The following EBF2 variants were observed in gnomAD, a reference collection of about 807,000 sequenced individuals.
EBF2 encodes EBF transcription factor 2.
A neutral mutation model predicts 72.8 loss-of-function variants in EBF2; 21 were observed. That is an observed-to-expected ratio of 0.29 (90% confidence interval 0.20 to 0.42). The LOEUF (loss-of-function observed/expected upper bound fraction) is 0.42, where lower values mean the gene tolerates loss of function less well. Among genes scored for constraint, EBF2 ranks in the 10% least tolerant of loss-of-function variants. The pLI, the probability that EBF2 is intolerant of heterozygous loss-of-function variation, is 1.00. For synonymous variants in EBF2, 299 were observed against 274.2 expected (o/e 1.09, Z -0.89); for missense variants, 637 against 731.2 (o/e 0.87, Z 1.49).
At chr8:26,005,285 A>G (rs1173332061) in intron 6 of EBF2, among the ~76,000 whole-genome samples, 4 of 730 alleles carry the variant, frequency 5.5e-3, no homozygotes, top group Non-Finnish European at 7.8e-3. Context: ...ATAATTATAT[A>G]ATTATATAAT....
intron 10 of EBF2, among the ~76,000 whole-genome samples, chr8:25,870,356 A>G (rs1406969412): frequency 2.0e-5 from 3 of 152,104 alleles, no homozygotes; most frequent in African/African-American, 7.2e-5. Context: ...CTAAATACAA[A>G]CTAAACAGAT....
Position 25,842,197 on chromosome 8 carries a change from C to T in EBF2, c.*2412G>A, listed in dbSNP as rs533767574. On this transcript the variant is annotated 3_prime_UTR_variant, in exon 16 of 16. Coordinates refer to ENST00000520164, the MANE Select transcript of EBF2 (RefSeq NM_022659.4). ...ACTTGGGACTGGAATGATTGAATAG[C>T]AATGACTAACGAGGACAGGGTAGCT... The T allele has an allele frequency of 6.6e-6, 1 of 152,288 alleles. No homozygotes were observed. Among genetic ancestry groups the T allele is most frequent in the South Asian group, 2.1e-4 (1 of 4,822 alleles). 9.4% of individuals were successfully genotyped at this position (152,288 alleles called of 1,614,324 possible). A position where few individuals can be genotyped will look rare whatever the true frequency, so the allele number is the denominator to read the frequency against.
chr8:25,917,951 G>A (rs1057454149), intron 6 of EBF2, among the ~76,000 whole-genome samples: 3 of 152,110 alleles, frequency 2.0e-5, no homozygotes, highest in Admixed American at 6.5e-5. Flanking sequence ...ACTTTCCCAC[G>A]ACTCCAGGAA....
At chr8:25,945,042 C>T (rs1192816029) in intron 6 of EBF2, among the ~76,000 whole-genome samples, 1 of 151,854 alleles carries the variant, frequency 6.6e-6, no homozygotes, top group African/African-American at 2.4e-5. Context: ...GATGCCTGCT[C>T]TTATTCCATG....
chr8:25,988,858 T>C (rs1406494811), intron 6 of EBF2, among the ~76,000 whole-genome samples: 1 of 152,362 alleles, frequency 6.6e-6, no homozygotes, highest in East Asian at 1.9e-4. Flanking sequence ...CAAGAACTTC[T>C]ACTCAGTTCT....
intron 6 of EBF2, among the ~76,000 whole-genome samples, chr8:25,971,005 T>C (rs1804181382): frequency 6.6e-6 from 1 of 152,064 alleles, no homozygotes. Context: ...GCTAATATTT[T>C]TTATGTTTTC....
intron 15 of EBF2, among the ~76,000 whole-genome samples, chr8:25,849,117 T>C (rs1801905270): frequency 6.6e-6 from 1 of 152,208 alleles, no homozygotes; most frequent in Admixed American, 6.5e-5. Flanking sequence ...TGCCAAAAAA[T>C]CCATGAAGTT....
intron 6 of EBF2, among the ~76,000 whole-genome samples, chr8:25,985,103 C>CCA (rs550637020): frequency 8.9e-4 from 136 of 152,242 alleles, no homozygotes; most frequent in African/African-American, 3.1e-3. Context: ...TGGGCTGCAA[C>CCA]CAGGAAGAAC....
At chr8:26,019,235 T>C (rs1009186615) in intron 6 of EBF2, among the ~76,000 whole-genome samples, 2 of 151,942 alleles carry the variant, frequency 1.3e-5, no homozygotes, top group Non-Finnish European at 2.9e-5. Context: ...TTCCACAGCT[T>C]TAAGGGCCAG....
chr8:26,006,567 C>G lies in EBF2; in HGVS notation c.551+26518G>C, dbSNP rs924927338. ...CCTTATGACTCTATATTTAAATAAA[C>G]AACCTTCTATATTCTTCCTGATGAG... On this transcript the variant is annotated intron_variant, in intron 6 of 15. Coordinates refer to ENST00000520164, the MANE Select transcript of EBF2 (RefSeq NM_022659.4). 2.6e-5 allele frequency among the ~76,000 whole-genome samples: 4 copies of G among 152,248 alleles called. No individual in the cohort carries two copies. The South Asian group carries it at 8.3e-4, about 32-fold the overall frequency.
At position 25,842,515 on chromosome 8, in the gene EBF2, C is replaced by T. The variant is rs1228317949; in HGVS notation, c.*2094G>A. The T allele has an allele frequency of 6.6e-6, 1 of 152,170 alleles. No individual in the cohort carries two copies. Among genetic ancestry groups the T allele is most frequent in the Non-Finnish European group, 1.5e-5 (1 of 68,030 alleles). The allele number at this position is 152,170 out of a possible 1,614,324, so 9.4% of individuals were successfully genotyped here. The stretch of plus-strand genomic sequence containing the variant: ...CCAGGGCTAAACATGCTTAATTTTG[C>T]TCTGCCTTCACTTTTGGAAGGTAAC... On this transcript the variant is annotated 3_prime_UTR_variant, in exon 16 of 16. Transcript: ENST00000520164.
chr8:25,844,663 G>A, intron 15 of EBF2, 23 bp from the exon 16 acceptor site: 2 of 1,613,886 alleles, frequency 1.2e-6, no homozygotes, highest in Non-Finnish European at 1.7e-6. Flanking sequence ...AGTGGCACAG[G>A]AATGAGACTT....
rs1291128598 is a variant in EBF2 at position 25,908,559 on chromosome 8, T to A, written c.552-4A>T. On this transcript the variant is annotated splice_polypyrimidine_tract_variant and splice_region_variant and intron_variant, in intron 6 of 15. Transcript: ENST00000520164. ...GAGGAAAAATTTTAAAAAGAATCTG[T>A]GAAGAGAAAGCGATGTGTTACATTT... 1.3e-6 allele frequency: 2 copies of A among 1,593,110 alleles called. No individual in the cohort carries two copies. The highest frequency in any genetic ancestry group is 2.7e-5 in the African/African-American group (2 of 74,060).
chr8:25,846,961 T>C (rs943360112), intron 15 of EBF2, among the ~76,000 whole-genome samples: 1 of 151,514 alleles, frequency 6.6e-6, no homozygotes, highest in African/African-American at 2.4e-5. Flanking sequence ...GGTATGGGGG[T>C]AGGGGGTATA....
At chr8:25,870,809 A>G (rs1802425132) in intron 10 of EBF2, among the ~76,000 whole-genome samples, 1 of 151,820 alleles carries the variant, frequency 6.6e-6, no homozygotes, top group African/African-American at 2.4e-5. Flanking sequence ...GTCTATTTTT[A>G]TGTTGTTTTT....
chr8:25,846,047 T>C (rs1487402430), intron 15 of EBF2, among the ~76,000 whole-genome samples: 2 of 152,210 alleles, frequency 1.3e-5, no homozygotes, highest in East Asian at 1.9e-4. Flanking sequence ...ATAGCCTTTA[T>C]TGAATGTTTG....
intron 6 of EBF2, among the ~76,000 whole-genome samples, chr8:25,955,087 G>A (rs1220890610): frequency 6.6e-6 from 1 of 152,224 alleles, no homozygotes; most frequent in Non-Finnish European, 1.5e-5. Flanking sequence ...CCAGAACAGT[G>A]TGGGCTGCGG....
intron 6 of EBF2, among the ~76,000 whole-genome samples, chr8:26,027,095 T>C (rs1805313157): frequency 6.6e-6 from 1 of 152,184 alleles, no homozygotes; most frequent in African/African-American, 2.4e-5. Context: ...TGGGAGGTAA[T>C]GGTCACCTTG....
chr8:25,911,549 T>C (rs1027176825), intron 6 of EBF2, among the ~76,000 whole-genome samples: 7 of 152,184 alleles, frequency 4.6e-5, no homozygotes, highest in Admixed American at 3.9e-4. Flanking sequence ...GCCCCAAGGG[T>C]TAGCCTTGAC....
Sources: gnomAD v4.1 joint callset for allele counts (sites outside exome capture counted in the v4.1 genomes callset) on GRCh38, gnomAD v4.1.1 for gene constraint, MANE v1.5 for transcripts, NCBI Gene and HGNC (gene_info 2026-07-23, HGNC 2026-07-21) for gene names.